The following KIAA1328 variants were observed in gnomAD, a reference collection of about 807,000 sequenced individuals.
KIAA1328 encodes KIAA1328, also known as protein hinderin.
KIAA1328 carries 52 observed loss-of-function variants against 68.1 expected under a neutral mutation model. The observed-to-expected ratio is 0.76, with a 90% CI of 0.61 to 0.96. KIAA1328 has a LOEUF of 0.96. KIAA1328 is among the 40% of genes least tolerant of loss of function. The pLI, the probability that KIAA1328 is intolerant of heterozygous loss-of-function variation, is 0.00. For missense variants in KIAA1328, 641 were observed against 677.6 expected (o/e 0.95, Z 0.60); for synonymous variants, 232 against 239.4 (o/e 0.97, Z 0.28).
intron 5 of KIAA1328, among the ~76,000 whole-genome samples, chr18:36,923,314 G>A (rs894825512): frequency 2.6e-5 from 4 of 152,104 alleles, no homozygotes; most frequent in Non-Finnish European, 5.9e-5. Flanking sequence ...GGATCATGGA[G>A]GAAATCAATG....
intron 9 of KIAA1328, chr18:37,193,480 A>G: frequency 3.1e-6 from 2 of 641,954 alleles, no homozygotes; most frequent in Non-Finnish European, 2.8e-6. Flanking sequence ...AGGTTAAGAA[A>G]AAACTTTGAG....
chr18:36,839,492 A>G (rs1041554099), intron 3 of KIAA1328, among the ~76,000 whole-genome samples: 1 of 152,170 alleles, frequency 6.6e-6, no homozygotes, highest in Non-Finnish European at 1.5e-5. Context: ...TAGTTATAAT[A>G]ACTGTTTCAA....
At chr18:36,869,047 CTTT>C (rs558505849) in intron 4 of KIAA1328, among the ~76,000 whole-genome samples, 17 of 132,256 alleles carry the variant, frequency 1.3e-4, no homozygotes, top group South Asian at 2.4e-4. Context: ...TTTTTTCTTT[CTTT>C]TTTTTTTTTT....
intron 7 of KIAA1328, among the ~76,000 whole-genome samples, chr18:37,125,281 T>C (rs544680353): frequency 3.3e-5 from 5 of 152,100 alleles, no homozygotes; most frequent in African/African-American, 1.2e-4. Context: ...GATTGCACCA[T>C]TGCACTCCAG....
intron 3 of KIAA1328, among the ~76,000 whole-genome samples, chr18:36,839,968 C>T (rs2046804703): frequency 6.6e-6 from 1 of 152,138 alleles, no homozygotes; most frequent in South Asian, 2.1e-4. Flanking sequence ...GTAGTTGACG[C>T]GAAGGGATTC....
intron 6 of KIAA1328, among the ~76,000 whole-genome samples, chr18:37,031,752 GT>G (rs966996389): frequency 3.0e-4 from 46 of 151,794 alleles, no homozygotes; most frequent in African/African-American, 1.0e-3. Context: ...CATATTTAGG[GT>G]TTTTTTAACC....
At chr18:36,906,275 T>G (rs1172631568) in intron 5 of KIAA1328, among the ~76,000 whole-genome samples, 1 of 152,200 alleles carries the variant, frequency 6.6e-6, no homozygotes, top group Non-Finnish European at 1.5e-5. Flanking sequence ...CAAAGTGTTA[T>G]GTATTCACCA....
intron 8 of KIAA1328, among the ~76,000 whole-genome samples, chr18:37,166,886 T>C (rs2059399806): frequency 6.6e-6 from 1 of 152,128 alleles, no homozygotes; most frequent in Non-Finnish European, 1.5e-5. Context: ...ATAGAAGATC[T>C]AAATAGACCT....
intron 6 of KIAA1328, among the ~76,000 whole-genome samples, chr18:37,060,768 A>G (rs1345679777): frequency 6.6e-6 from 1 of 152,220 alleles, no homozygotes; most frequent in Non-Finnish European, 1.5e-5. Flanking sequence ...ACTAGATACA[A>G]TTTTATATCC....
intron 5 of KIAA1328, among the ~76,000 whole-genome samples, chr18:36,948,240 C>T (rs1216688744): frequency 1.4e-5 from 2 of 146,206 alleles, no homozygotes; most frequent in African/African-American, 5.1e-5. Flanking sequence ...AATGACATGA[C>T]TTTTTGTTTG....
intron 5 of KIAA1328, among the ~76,000 whole-genome samples, chr18:36,933,495 A>C (rs1457694808): frequency 5.9e-5 from 9 of 152,100 alleles, no homozygotes; most frequent in Non-Finnish European, 1.3e-4. Context: ...CTGGAGGCAC[A>C]CCCTCCTCCT....
chr18:37,204,384 T>C (rs1395124296), intron 9 of KIAA1328, among the ~76,000 whole-genome samples: 1 of 152,244 alleles, frequency 6.6e-6, no homozygotes, highest in African/African-American at 2.4e-5. Flanking sequence ...GGCTTATTTA[T>C]GAATGCTCAT....
downstream of KIAA1328, among the ~76,000 whole-genome samples, chr18:37,226,584 A>G (rs1033116890): frequency 1.3e-4 from 20 of 152,304 alleles, no homozygotes; most frequent in Admixed American, 3.9e-4. Flanking sequence ...TTCACAGCAT[A>G]ACGTTTTCAA....
At chr18:37,011,017 C>T (rs1360541102) in intron 6 of KIAA1328, among the ~76,000 whole-genome samples, 1 of 152,084 alleles carries the variant, frequency 6.6e-6, no homozygotes, top group Non-Finnish European at 1.5e-5. Flanking sequence ...CTACAAGTAG[C>T]CATTTGTGAG....
chr18:37,048,951 G>A (rs751457886), intron 6 of KIAA1328, among the ~76,000 whole-genome samples: 10 of 152,130 alleles, frequency 6.6e-5, no homozygotes, highest in Non-Finnish European at 1.3e-4. Context: ...GTAAAGAATG[G>A]TGTTATTGAA....
chr18:37,199,611 A>G (rs1235176104), intron 9 of KIAA1328, among the ~76,000 whole-genome samples: 1 of 152,202 alleles, frequency 6.6e-6, no homozygotes, highest in Non-Finnish European at 1.5e-5. Flanking sequence ...GTATATACCC[A>G]GTAATGGCAT....
intron 7 of KIAA1328, among the ~76,000 whole-genome samples, chr18:37,088,164 G>T (rs964991147): frequency 6.6e-6 from 1 of 152,048 alleles, no homozygotes; most frequent in African/African-American, 2.4e-5. Flanking sequence ...TTTCTGCTTG[G>T]CTAGTTGAGT....
At chr18:37,203,342 T>C (rs2060150417) in intron 9 of KIAA1328, among the ~76,000 whole-genome samples, 1 of 152,086 alleles carries the variant, frequency 6.6e-6, no homozygotes, top group Non-Finnish European at 1.5e-5. Context: ...TCCCCAACTT[T>C]CTATATCCAT....
At chr18:37,051,159 A>G (rs73419024) in intron 6 of KIAA1328, among the ~76,000 whole-genome samples, 54 of 152,244 alleles carry the variant, frequency 3.5e-4, no homozygotes, top group African/African-American at 1.2e-3. Flanking sequence ...CTTTCACGAA[A>G]TGTAGTAATG....
Sources: gnomAD v4.1 joint callset for allele counts (sites outside exome capture counted in the v4.1 genomes callset) on GRCh38, gnomAD v4.1.1 for gene constraint, MANE v1.5 for transcripts, NCBI Gene and HGNC (gene_info 2026-07-23, HGNC 2026-07-21) for gene names.